The following SRBD1 variants were observed in gnomAD, a reference collection of about 807,000 sequenced individuals.
SRBD1 encodes the protein S1 RNA-binding domain-containing protein 1.
A neutral mutation model predicts 115.3 loss-of-function variants in SRBD1; 88 were observed. The ratio of observed to expected loss-of-function variants is 0.76; its 90% CI spans 0.64 to 0.91. SRBD1 has a LOEUF of 0.91. Among genes scored for constraint, SRBD1 ranks in the 40% least tolerant of loss-of-function variants. The pLI, the probability that SRBD1 is intolerant of heterozygous loss-of-function variation, is 0.00. For missense variants in SRBD1, 1,385 were observed against 1,177.4 expected, an observed-to-expected ratio of 1.18 and a Z score of -2.58; for synonymous variants, 509 against 407.7, an observed-to-expected ratio of 1.25 and a Z score of -2.99.
intron 20 of SRBD1, among the ~76,000 whole-genome samples, chr2:45,389,852 T>G (rs1056907871): frequency 2.0e-5 from 3 of 152,150 alleles, no homozygotes; most frequent in African/African-American, 7.2e-5. Context: ...GCATTATACA[T>G]AAGGATCGAG....
intron 14 of SRBD1, among the ~76,000 whole-genome samples, chr2:45,488,646 A>C (rs1337483284): frequency 2.0e-5 from 3 of 152,248 alleles, no homozygotes; most frequent in African/African-American, 7.2e-5. Flanking sequence ...CCATGATGCC[A>C]ACTTCAAAAT....
At chr2:45,434,188 A>G (rs1298970320) in intron 16 of SRBD1, among the ~76,000 whole-genome samples, 1 of 152,226 alleles carries the variant, frequency 6.6e-6, no homozygotes, top group Non-Finnish European at 1.5e-5. Context: ...CCTTGGGACA[A>G]TGATTGTCTT....
chr2:45,526,009 C>T (rs1033888648), intron 14 of SRBD1, among the ~76,000 whole-genome samples: 2 of 152,014 alleles, frequency 1.3e-5, no homozygotes, highest in Non-Finnish European at 2.9e-5. Context: ...TCATACACTG[C>T]TGGTGGGAAT....
intron 14 of SRBD1, among the ~76,000 whole-genome samples, chr2:45,517,336 T>A (rs1229333087): frequency 6.6e-6 from 1 of 152,226 alleles, no homozygotes; most frequent in Non-Finnish European, 1.5e-5. Flanking sequence ...TGTAATATGT[T>A]TAATTTCAAT....
At chr2:45,523,275 G>GA (rs61024871) in intron 14 of SRBD1, among the ~76,000 whole-genome samples, 1,133 of 86,516 alleles carry the variant, frequency 0.013, 4 homozygotes, top group Middle Eastern at 0.027. Context: ...CAAAACGCTG[G>GA]AAAAAAAAAA....
intron 16 of SRBD1, among the ~76,000 whole-genome samples, chr2:45,448,653 T>G (rs1422590796): frequency 2.0e-5 from 3 of 152,112 alleles, no homozygotes; most frequent in Non-Finnish European, 4.4e-5. Flanking sequence ...CAAGCAAAAA[T>G]ACTCTGCTAG....
chr2:45,436,267 G>A (rs1219474877), intron 16 of SRBD1, among the ~76,000 whole-genome samples: 1 of 152,176 alleles, frequency 6.6e-6, no homozygotes, highest in African/African-American at 2.4e-5. Context: ...TCCTCAAGGT[G>A]ATTAAAAACA....
In SRBD1 at chr2:45,581,696, G is replaced by C. The variant is rs779003078; in HGVS notation, c.930C>G (p.His310Gln). ...AAAGATAAAAAGGATTCCTTACCAC[G>C]TGTTCTAGTTCTTCAAAAGTTTTAC... ...LNCKTFEELE[H>Q]VSAPYKTGSK... The change falls in exon 6 of 21, where the codon CAC (histidine) becomes CAG (glutamine). Residue 310 changes from histidine to glutamine, a missense_variant. His to Gln is a conservative substitution (Grantham distance 24). Transcript: ENST00000263736. 5.6e-6 allele frequency: 9 copies of C among 1,609,746 alleles called. No individual in the cohort carries two copies. The highest frequency in any genetic ancestry group is 1.3e-5 in the African/African-American group (1 of 74,658).
intron 4 of SRBD1, among the ~76,000 whole-genome samples, chr2:45,590,646 ATG>A (rs1673691721): frequency 6.6e-6 from 1 of 152,062 alleles, no homozygotes; most frequent in South Asian, 2.1e-4. Context: ...GTGAAGAAGG[ATG>A]TGTTTGCTTC....
intron 18 of SRBD1, among the ~76,000 whole-genome samples, chr2:45,416,864 C>T (rs1667847673): frequency 6.6e-6 from 1 of 152,020 alleles, no homozygotes; most frequent in African/African-American, 2.4e-5. Flanking sequence ...CTGCAACCTC[C>T]ACCTCCTGGG....
chr2:45,515,780 G>A (rs905610803), intron 14 of SRBD1, among the ~76,000 whole-genome samples: 2 of 152,172 alleles, frequency 1.3e-5, no homozygotes, highest in Admixed American at 6.5e-5. Flanking sequence ...AGAAAGACCT[G>A]AAAGATGATT....
At chr2:45,571,518 A>AAAAAAAAAAAAAAAAAAAAAC (rs1673012245) in intron 9 of SRBD1, among the ~76,000 whole-genome samples, 4 of 59,246 alleles carry the variant, frequency 6.8e-5, no homozygotes, top group African/African-American at 2.6e-4. Context: ...AGACTTTACC[A>AAAAAAAAAAAAAAAAAAAAAC]AAAAAAAAAA....
At chr2:45,389,739 A>G in intron 20 of SRBD1, 140 bp from the exon 21 acceptor site, 3 of 817,680 alleles carry the variant, frequency 3.7e-6, no homozygotes, top group Middle Eastern at 7.3e-4. Flanking sequence ...GGAGCTGCAG[A>G]CCAACGCTTG....
chr2:45,562,666 A>C lies in SRBD1; in HGVS notation c.1396T>G (p.Cys466Gly). The C allele has an allele frequency of 6.2e-7, 1 of 1,605,328 alleles. No individual in the cohort carries two copies. Among genetic ancestry groups the C allele is most frequent in the South Asian group, 1.1e-5 (1 of 89,064 alleles). ...DGVKDEFCRW[C>G]IQNRWRPRSF... ...CTGTAAACAGACCTGTTTTGGATGC[A>C]CCACCTACAGAATTCATCCTTCACT... The change falls in exon 10 of 21, where the codon TGC becomes GGC. Residue 466 changes from cysteine to glycine, a missense_variant. Cys to Gly is a radical substitution (Grantham distance 159, BLOSUM62 -3). Coordinates refer to ENST00000263736, the MANE Select transcript of SRBD1 (RefSeq NM_018079.5).
In SRBD1 at chr2:45,397,086, C is replaced by CA. The variant is rs965885686; in HGVS notation, c.2514-3958dup. ...TTTTAATGGAGTAACGCAACAAGCACAAAATTAAATGCAAGAACACATCAT... is the reference window on the plus strand; with the variant it reads ...TTTTAATGGAGTAACGCAACAAGCACAAAAATTAAATGCAAGAACACATCAT... On this transcript the variant is annotated intron_variant, in intron 19 of 20. Transcript: ENST00000263736. 3.8e-4 allele frequency among the ~76,000 whole-genome samples: 58 copies of CA among 152,162 alleles called. 1 individual carries two copies. Among genetic ancestry groups the CA allele is most frequent in the African/African-American group, 1.3e-3 (56 of 41,530 alleles).
At position 45,522,340 on chromosome 2, in the gene SRBD1, G is replaced by T. The variant is rs532649395; in HGVS notation, c.1874+24392C>A. Reference sequence around the variant, plus strand: ...ACTACAGGTATGCACCACCACACCAGGCTAATTTTTTTATTTTTAGTAGAG... The same window carrying T: ...ACTACAGGTATGCACCACCACACCATGCTAATTTTTTTATTTTTAGTAGAG... On this transcript the variant is annotated intron_variant, in intron 14 of 20. Coordinates refer to ENST00000263736, the MANE Select transcript of SRBD1 (RefSeq NM_018079.5). Among the ~76,000 whole-genome samples, 40 of 151,970 alleles carry T rather than the reference G, an allele frequency of 2.6e-4. 1 individual carries two copies. Among genetic ancestry groups the T allele is most frequent in the Non-Finnish European group, 7.4e-5 (5 of 67,994 alleles).
At chr2:45,395,079 C>G (rs1667105802) in intron 19 of SRBD1, among the ~76,000 whole-genome samples, 2 of 152,188 alleles carry the variant, frequency 1.3e-5, no homozygotes, top group African/African-American at 4.8e-5. Flanking sequence ...CTGCCGAAAT[C>G]CAACTTCCTT....
rs141545579 is a variant in SRBD1 at position 45,609,129 on chromosome 2, T to C, written c.-1+2090A>G. ...GCCAGAAAATTCTTTAACAGCTTCATTGACATATAATTGACATGCAATACA... is the reference window on the plus strand; with the variant it reads ...GCCAGAAAATTCTTTAACAGCTTCACTGACATATAATTGACATGCAATACA... On this transcript the variant is annotated intron_variant, in intron 1 of 20. Transcript: ENST00000263736. Among the ~76,000 whole-genome samples the C allele has an allele frequency of 2.3e-4, 35 of 152,280 alleles. No homozygotes were observed. The East Asian group carries it at 3.1e-3, about 13-fold the overall frequency.
rs1186686796 is a variant in SRBD1 at position 45,433,108 on chromosome 2, T to A, written c.2050-13214A>T. On this transcript the variant is annotated intron_variant, in intron 16 of 20. Transcript: ENST00000263736. ...AGTGCAATATTCTTAAGTCTTTATTTTACTCAGCGACCATCATCCACTCAT... is the reference window on the plus strand; with the variant it reads ...AGTGCAATATTCTTAAGTCTTTATTATACTCAGCGACCATCATCCACTCAT... Among the ~76,000 whole-genome samples, 4 of 152,314 alleles carry A rather than the reference T, an allele frequency of 2.6e-5. No homozygotes were observed. The East Asian group carries it at 5.8e-4, about 22-fold the overall frequency.
Sources: allele counts gnomAD v4.1 joint callset (sites outside exome capture counted in the v4.1 genomes callset), GRCh38; gene constraint gnomAD v4.1.1; transcripts MANE v1.5; gene names NCBI Gene and HGNC (gene_info 2026-07-23, HGNC 2026-07-21).